PRR5L: variants seen among roughly 807,000 people sequenced by gnomAD.
The protein encoded by PRR5L is proline rich 5 like, also known as proline-rich protein 5-like.
PRR5L carries 21 observed loss-of-function variants against 36.4 expected under a neutral mutation model. The ratio of observed to expected loss-of-function variants is 0.58; its 90% CI spans 0.41 to 0.83. The LOEUF is 0.83. Among genes scored for constraint, PRR5L ranks in the 40% least tolerant of loss-of-function variants. The pLI is 0.00. For missense variants in PRR5L, 381 were observed against 473.3 expected, an observed-to-expected ratio of 0.80 and a Z score of 1.81; for synonymous variants, 188 against 197.0, an observed-to-expected ratio of 0.95 and a Z score of 0.38.
At chr11:36,408,976 T>C (rs549051934) in intron 3 of PRR5L, among the ~76,000 whole-genome samples, 1 of 152,148 alleles carries the variant, frequency 6.6e-6, no homozygotes. Context: ...GGCTGTATAC[T>C]GGGGTGGTCA....
rs745718624 is a variant in PRR5L at position 36,437,451 on chromosome 11, T to C, written c.419T>C (p.Leu140Pro). ...TTCTTCACTGAGACTCTCCCTACCC[T>C]GCAGGCAATATTTTATCCAGTTCAG... ...DHFFTETLPT[L>P]QAIFYPVQGQ... is the part of the protein sequence containing the mutation. The change falls in exon 6 of 9, where the codon CTG becomes CCG. Residue 140 changes from leucine to proline, a missense_variant. Leu to Pro is a moderately conservative substitution (Grantham distance 98). Coordinates refer to ENST00000530639, the MANE Select transcript of PRR5L (RefSeq NM_001160167.2). 23 of 1,609,006 alleles carry C rather than the reference T, an allele frequency of 1.4e-5. No homozygotes were observed. The highest frequency in any genetic ancestry group is 2.0e-5 in the Non-Finnish European group (23 of 1,175,618).
chr11:36,314,293 C>T (rs1305387717), intron 1 of PRR5L, among the ~76,000 whole-genome samples: 3 of 152,250 alleles, frequency 2.0e-5, no homozygotes, highest in Non-Finnish European at 4.4e-5. Context: ...GGCTTGGGCT[C>T]CTGTACCCAC....
chr11:36,433,388 AT>A (rs1858540321), intron 5 of PRR5L, among the ~76,000 whole-genome samples: 1 of 152,184 alleles, frequency 6.6e-6, no homozygotes, highest in African/African-American at 2.4e-5. Flanking sequence ...TTTATTCAGC[AT>A]AAGGTCCTCA....
In PRR5L at chr11:36,351,547, ATATATATT is replaced by A. The variant is rs1228146848; in HGVS notation, c.-125-49427_-125-49420del. Among the ~76,000 whole-genome samples, 28 of 7,400 alleles carry A rather than the reference ATATATATT, an allele frequency of 3.8e-3. 6 individuals are homozygous for A. The highest frequency in any genetic ancestry group is 0.01 in the South Asian group (2 of 198). The allele number at this position is 7,400 out of a possible 152,430, so 4.9% of individuals were successfully genotyped here. A position where few individuals can be genotyped will look rare whatever the true frequency, so the allele number is the denominator to read the frequency against. ...TATATATTTATATAAATATATATTT[ATATATATT>A]TATATATTTATATATTTATATAAAT... is the stretch of plus-strand genomic sequence containing the variant. On this transcript the variant is annotated intron_variant, in intron 1 of 8. Coordinates refer to ENST00000530639, the MANE Select transcript of PRR5L (RefSeq NM_001160167.2).
At chr11:36,345,922 C>A (rs1178724813) in intron 1 of PRR5L, among the ~76,000 whole-genome samples, 2 of 152,240 alleles carry the variant, frequency 1.3e-5, no homozygotes, top group African/African-American at 2.4e-5. Flanking sequence ...AGCGTGGCAA[C>A]ACCCAGGGCT....
chr11:36,381,533 C>G (rs1344215116), intron 1 of PRR5L: 5 of 152,122 alleles, frequency 3.3e-5, no homozygotes, highest in Non-Finnish European at 5.9e-5. Flanking sequence ...CAAACCCTGT[C>G]ACAACCTGCT....
At chr11:36,431,676 T>C (rs968032315) in intron 4 of PRR5L, among the ~76,000 whole-genome samples, 177 bp from the exon 5 acceptor site, 2 of 152,120 alleles carry the variant, frequency 1.3e-5, no homozygotes, top group Admixed American at 6.5e-5. Context: ...GAAGTCTCAC[T>C]GTCTTCTCCG....
chr11:36,346,252 G>A (rs910227950), intron 1 of PRR5L, among the ~76,000 whole-genome samples: 3 of 152,112 alleles, frequency 2.0e-5, no homozygotes, highest in Non-Finnish European at 1.5e-5. Flanking sequence ...TGGCATTACA[G>A]TATGAGCCAC....
rs1856617560 is a variant in PRR5L at position 36,321,947 on chromosome 11, C to T, written c.-126+25509C>T. On this transcript the variant is annotated intron_variant, in intron 1 of 8. Coordinates refer to ENST00000530639, the MANE Select transcript of PRR5L (RefSeq NM_001160167.2). ...ACCGGTCATATGGGGTTAAAGCCCA[C>T]TTATTTAATGTCGTTTTATCTTAAT... Among the ~76,000 whole-genome samples, 4 of 152,126 alleles carry T rather than the reference C, an allele frequency of 2.6e-5. 1 individual carries two copies. The South Asian group carries it at 8.3e-4, about 31-fold the overall frequency.
At chr11:36,440,478 A>G (rs1413653386) in intron 6 of PRR5L, among the ~76,000 whole-genome samples, 1 of 152,208 alleles carries the variant, frequency 6.6e-6, no homozygotes, top group African/African-American at 2.4e-5. Flanking sequence ...CATGTTCTCC[A>G]GGTGAGTGCT....
At chr11:36,342,124 C>A (rs1028168560) in intron 1 of PRR5L, among the ~76,000 whole-genome samples, 1 of 152,160 alleles carries the variant, frequency 6.6e-6, no homozygotes, top group African/African-American at 2.4e-5. Flanking sequence ...GGTGGGTCGG[C>A]AGAGGGAGCT....
Position 36,428,081 on chromosome 11 carries a change from T to G in PRR5L, c.295-3772T>G, listed in dbSNP as rs141481836. Among the ~76,000 whole-genome samples the G allele has an allele frequency of 3.9e-3, 595 of 152,246 alleles. 2 individuals carry two copies. Among genetic ancestry groups the G allele is most frequent in the Admixed American group, 9.6e-3 (147 of 15,302 alleles). The stretch of plus-strand genomic sequence containing the variant: ...TGCCTCTCCCCACAACATTGCAGGG[T>G]GCATGCCAAGTCCTGACTCTCCCTG... On this transcript the variant is annotated intron_variant, in intron 4 of 8. Transcript: ENST00000530639.
At chr11:36,298,651 G>C (rs1476034361) in intron 1 of PRR5L, among the ~76,000 whole-genome samples, 1 of 152,228 alleles carries the variant, frequency 6.6e-6, no homozygotes, top group African/African-American at 2.4e-5. Flanking sequence ...TGTCCCTGCT[G>C]TGTGGCCTGG....
intron 1 of PRR5L, among the ~76,000 whole-genome samples, chr11:36,351,044 AT>A (rs201687467): frequency 2.0e-5 from 1 of 50,536 alleles, no homozygotes; most frequent in African/African-American, 9.5e-5. Flanking sequence ...TTTTTAATAT[AT>A]TTTATATGTA....
At chr11:36,440,895 C>G (rs1858707646) in intron 6 of PRR5L, among the ~76,000 whole-genome samples, 1 of 152,120 alleles carries the variant, frequency 6.6e-6, no homozygotes, top group African/African-American at 2.4e-5. Context: ...ACAACTAGCT[C>G]TCTCATACTA....
intron 1 of PRR5L, among the ~76,000 whole-genome samples, chr11:36,371,182 C>G (rs1224973008): frequency 6.6e-6 from 1 of 152,192 alleles, no homozygotes; most frequent in Admixed American, 6.5e-5. Flanking sequence ...ATCCAAAATT[C>G]TCCCAAAAAG....
intron 8 of PRR5L, among the ~76,000 whole-genome samples, chr11:36,461,734 T>C (rs1859186346): frequency 6.6e-6 from 1 of 152,178 alleles, no homozygotes; most frequent in Admixed American, 6.5e-5. Flanking sequence ...TAAAGGCTGT[T>C]TGAGTCCAGG....
intron 1 of PRR5L, among the ~76,000 whole-genome samples, chr11:36,315,062 C>T (rs1350926631): frequency 1.3e-5 from 2 of 152,126 alleles, no homozygotes; most frequent in Non-Finnish European, 2.9e-5. Context: ...TGGGCATTGA[C>T]AACTTTTTAT....
intron 1 of PRR5L, among the ~76,000 whole-genome samples, chr11:36,385,673 T>A (rs1245953591): frequency 6.6e-6 from 1 of 152,268 alleles, no homozygotes; most frequent in East Asian, 1.9e-4. Context: ...AGTTCACAGT[T>A]GACCCTTAAC....
Sources: gnomAD v4.1 joint callset for allele counts (sites outside exome capture counted in the v4.1 genomes callset) on GRCh38, gnomAD v4.1.1 for gene constraint, MANE v1.5 for transcripts, NCBI Gene and HGNC (gene_info 2026-07-23, HGNC 2026-07-21) for gene names.